The following RACGAP1 variants were observed in gnomAD, a reference collection of about 807,000 sequenced individuals.
RACGAP1 encodes Rac GTPase activating protein 1.
Under a neutral mutation model 78.1 loss-of-function variants are expected in RACGAP1, and 30 were observed. The ratio of observed to expected loss-of-function variants is 0.38; its 90% CI spans 0.29 to 0.52. RACGAP1 has a LOEUF of 0.52. Among genes scored for constraint, RACGAP1 ranks in the 20% least tolerant of loss-of-function variants. The probability of loss-of-function intolerance (pLI) is 0.82; values close to 1 mark genes in which losing one functional copy is unlikely to be tolerated. For synonymous variants in RACGAP1, 231 were observed against 264.8 expected, an observed-to-expected ratio of 0.87 and a Z score of 1.24; for missense variants, 587 against 777.1, an observed-to-expected ratio of 0.76 and a Z score of 2.91.
At chr12:50,014,195 G>A (rs1949518413) in intron 2 of RACGAP1, among the ~76,000 whole-genome samples, 1 of 152,220 alleles carries the variant, frequency 6.6e-6, no homozygotes, top group African/African-American at 2.4e-5. Flanking sequence ...CACCAGTGAG[G>A]CTGACTTGAG....
At chr12:50,019,822 A>T (rs1388247553) in intron 1 of RACGAP1, 1 of 152,180 alleles carries the variant, frequency 6.6e-6, no homozygotes, top group Non-Finnish European at 1.5e-5. Context: ...AAGTGAAAAC[A>T]ATAACACTTG....
intron 2 of RACGAP1, among the ~76,000 whole-genome samples, chr12:50,009,053 G>A (rs1320877294): frequency 2.0e-5 from 3 of 151,892 alleles, no homozygotes; most frequent in Non-Finnish European, 4.4e-5. Context: ...AAGGCAGGCA[G>A]ATCACTTGAG....
At chr12:49,996,628 T>TG (rs1948286731) in intron 10 of RACGAP1, among the ~76,000 whole-genome samples, 8 of 18,990 alleles carry the variant, frequency 4.2e-4, no homozygotes, top group African/African-American at 1.6e-3. Flanking sequence ...GCAATAGAGC[T>TG]AAAAAAAAAA....
chr12:50,001,455 A>T (rs1948671419), intron 6 of RACGAP1, among the ~76,000 whole-genome samples: 1 of 152,206 alleles, frequency 6.6e-6, no homozygotes, highest in Non-Finnish European at 1.5e-5. Context: ...TTGTACAAAA[A>T]TGCTCTCAGT....
intron 4 of RACGAP1, among the ~76,000 whole-genome samples, chr12:50,005,006 AATT>A (rs1288213343): frequency 1.3e-5 from 2 of 152,254 alleles, no homozygotes; most frequent in Non-Finnish European, 2.9e-5. Context: ...ATTGATGTGC[AATT>A]TAGCACCAAC....
intron 2 of RACGAP1, among the ~76,000 whole-genome samples, chr12:50,008,880 C>A (rs1255029009): frequency 6.6e-6 from 1 of 152,186 alleles, no homozygotes; most frequent in African/African-American, 2.4e-5. Context: ...AGATCAGAAA[C>A]AATTTTGATG....
At chr12:50,014,787 A>T (rs1164346027) in intron 2 of RACGAP1, among the ~76,000 whole-genome samples, 1 of 151,626 alleles carries the variant, frequency 6.6e-6, no homozygotes, top group African/African-American at 2.4e-5. Flanking sequence ...TCATACCTGT[A>T]ATCCCAGCAC....
intron 3 of RACGAP1, 111 bp from the exon 4 acceptor site, chr12:50,005,503 G>C (rs1024508319): frequency 2.4e-6 from 3 of 1,245,288 alleles, no homozygotes; most frequent in Non-Finnish European, 3.3e-6. Flanking sequence ...TTATGCAAAT[G>C]GACCTTCAGG....
chr12:50,015,539 C>T (rs1224342355), intron 2 of RACGAP1, among the ~76,000 whole-genome samples: 5 of 152,078 alleles, frequency 3.3e-5, no homozygotes, highest in African/African-American at 7.2e-5. Flanking sequence ...CAGTGGCTCA[C>T]GCCTGTAATC....
At chr12:50,023,145 T>C (rs1445636835) in intron 1 of RACGAP1, among the ~76,000 whole-genome samples, 1 of 152,222 alleles carries the variant, frequency 6.6e-6, no homozygotes, top group Non-Finnish European at 1.5e-5. Flanking sequence ...GGTGAATAAA[T>C]GAATTGAGCA....
At chr12:50,021,085 AGTT>A in intron 1 of RACGAP1, 1 of 980,948 alleles carries the variant, frequency 1.0e-6, no homozygotes, top group East Asian at 1.1e-4. Flanking sequence ...AATTGAAAAT[AGTT>A]GTAATTTTCC....
chr12:50,008,075 A>G (rs1333128616), intron 2 of RACGAP1, among the ~76,000 whole-genome samples: 1 of 146,374 alleles, frequency 6.8e-6, no homozygotes, highest in African/African-American at 2.5e-5. Flanking sequence ...CTTTTATTAA[A>G]TTACTGCTTC....
rs1245063947 is a variant in RACGAP1, at chr12:49,989,181, T to C, written c.*1087A>G. ...CTCATGTTCATTTTGAAAAAGCTAT[T>C]TACTTTTTTTCCAAATATTATCCCA... On this transcript the variant is annotated 3_prime_UTR_variant, in exon 17 of 17. Transcript: ENST00000312377. 1 of 152,190 alleles carries C rather than the reference T, an allele frequency of 6.6e-6. No homozygotes were observed. The highest frequency in any genetic ancestry group is 1.5e-5 in the Non-Finnish European group (1 of 68,034). The allele number at this position is 152,190 out of a possible 1,614,324, so 9.4% of individuals were successfully genotyped here.
intron 7 of RACGAP1, among the ~76,000 whole-genome samples, chr12:50,000,235 A>G (rs1457297971): frequency 1.3e-5 from 2 of 151,606 alleles, no homozygotes; most frequent in Admixed American, 6.6e-5. Flanking sequence ...GGATGGTCTC[A>G]ATCTCCTGAC....
chr12:49,998,430 C>T (rs1358340367), intron 9 of RACGAP1, among the ~76,000 whole-genome samples: 1 of 151,644 alleles, frequency 6.6e-6, no homozygotes, highest in Non-Finnish European at 1.5e-5. Context: ...AAAAGAAAAC[C>T]TGGATGTGAA....
At chr12:50,032,018 G>A (rs1950340394) in intron 1 of RACGAP1, among the ~76,000 whole-genome samples, 1 of 151,986 alleles carries the variant, frequency 6.6e-6, no homozygotes, top group African/African-American at 2.4e-5. Context: ...GTGGTGGCAC[G>A]TGCCTGTAGT....
At chr12:50,012,790 G>A (rs1316243021) in intron 2 of RACGAP1, among the ~76,000 whole-genome samples, 6 of 150,736 alleles carry the variant, frequency 4.0e-5, no homozygotes, top group Non-Finnish European at 7.4e-5. Context: ...AGGGCCGGGC[G>A]CGGTGGCTCA....
intron 4 of RACGAP1, 78 bp from the exon 5 acceptor site, chr12:50,004,382 T>C: frequency 6.5e-7 from 1 of 1,532,058 alleles, no homozygotes; most frequent in Non-Finnish European, 8.9e-7. Context: ...GAACAAGTCC[T>C]ACTGGTCAGG....
chr12:50,018,400 A>T, intron 1 of RACGAP1: 1 of 578,082 alleles, frequency 1.7e-6, no homozygotes, highest in Non-Finnish European at 2.7e-6. Flanking sequence ...TTTATTACAA[A>T]GATCTTTCTC....
Sources: allele counts gnomAD v4.1 joint callset (sites outside exome capture counted in the v4.1 genomes callset), GRCh38; gene constraint gnomAD v4.1.1; transcripts MANE v1.5; gene names NCBI Gene and HGNC (gene_info 2026-07-23, HGNC 2026-07-21).